Variants in CSMD1 observed in about 807,000 individuals in gnomAD.
CSMD1 encodes the protein CUB and sushi domain-containing protein 1.
In CSMD1, 213 loss-of-function variants were observed where a neutral mutation model predicts 417.5. The ratio of observed to expected loss-of-function variants is 0.51; its 90% confidence interval spans 0.46 to 0.57. The LOEUF (loss-of-function observed/expected upper bound fraction) is 0.57. CSMD1 is among the 20% of genes least tolerant of loss of function. The pLI, the probability that CSMD1 is intolerant of heterozygous loss-of-function variation, is 0.00. For missense variants in CSMD1, 6,923 were observed against 4,529.7 expected, an observed-to-expected ratio of 1.53 and a Z score of -15.17; for synonymous variants, 2,862 against 1,736.8, an observed-to-expected ratio of 1.65 and a Z score of -16.11.
At chr8:4,837,037 G>C (rs1475441586) in intron 1 of CSMD1, among the ~76,000 whole-genome samples, 1 of 149,160 alleles carries the variant, frequency 6.7e-6, no homozygotes, top group East Asian at 1.9e-4. Flanking sequence ...TGTTGTTGTT[G>C]TTAAGAGACC....
At chr8:4,778,589 G>A (rs889950927) in intron 1 of CSMD1, among the ~76,000 whole-genome samples, 38 of 152,208 alleles carry the variant, frequency 2.5e-4, no homozygotes, top group African/African-American at 8.2e-4. Flanking sequence ...AATTCCGTGA[G>A]AGGGAGGTCA....
intron 3 of CSMD1, among the ~76,000 whole-genome samples, chr8:4,334,619 G>GA (rs1362305590): frequency 2.0e-5 from 3 of 152,148 alleles, no homozygotes; most frequent in Non-Finnish European, 2.9e-5. Context: ...TTCCTCTGGA[G>GA]AATGCTGACT....
chr8:4,316,368 G>A (rs986818284), intron 3 of CSMD1, among the ~76,000 whole-genome samples: 6 of 151,864 alleles, frequency 4.0e-5, no homozygotes. Flanking sequence ...TTATACTCTG[G>A]GCTGCCACAG....
chr8:3,491,813 G>C (rs1354920175), intron 11 of CSMD1, among the ~76,000 whole-genome samples: 1 of 152,202 alleles, frequency 6.6e-6, no homozygotes, highest in Non-Finnish European at 1.5e-5. Flanking sequence ...CCTCACAAAT[G>C]AAGAGTGTTA....
chr8:3,825,824 C>T (rs1802025784), intron 5 of CSMD1, among the ~76,000 whole-genome samples: 1 of 152,122 alleles, frequency 6.6e-6, no homozygotes. Context: ...GGCTTTAAAT[C>T]CCATTTAAAT....
intron 10 of CSMD1, among the ~76,000 whole-genome samples, chr8:3,508,752 T>C (rs1796940477): frequency 6.6e-6 from 1 of 152,164 alleles, no homozygotes; most frequent in Non-Finnish European, 1.5e-5. Flanking sequence ...TATCATTCTA[T>C]TTAGACCGAA....
intron 5 of CSMD1, among the ~76,000 whole-genome samples, chr8:3,764,243 C>T (rs1216506322): frequency 1.3e-5 from 2 of 152,190 alleles, no homozygotes; most frequent in Non-Finnish European, 2.9e-5. Context: ...ACGCTTCTCG[C>T]TTCTCTTCCA....
At chr8:3,023,399 G>A (rs370150538) in intron 51 of CSMD1, among the ~76,000 whole-genome samples, 1 of 152,072 alleles carries the variant, frequency 6.6e-6, no homozygotes, top group Admixed American at 6.6e-5. Flanking sequence ...ACAGTAAGTC[G>A]AACAATAAAT....
chr8:4,001,648 T>C (rs931294224), intron 4 of CSMD1, among the ~76,000 whole-genome samples: 8 of 152,132 alleles, frequency 5.3e-5, no homozygotes, highest in Non-Finnish European at 8.8e-5. Context: ...TCTAAGATCT[T>C]AGACACTTAC....
chr8:3,382,477 C>G (rs1455121992), intron 18 of CSMD1, among the ~76,000 whole-genome samples: 12 of 70,562 alleles, frequency 1.7e-4, no homozygotes, highest in African/African-American at 5.5e-4. Context: ...TATATATAAT[C>G]TATATATTTA....
intron 4 of CSMD1, among the ~76,000 whole-genome samples, chr8:4,024,425 T>A (rs1294647008): frequency 6.6e-6 from 1 of 152,190 alleles, no homozygotes; most frequent in African/African-American, 2.4e-5. Context: ...ATTATTAAAC[T>A]CTTCAACCAT....
rs368824036 is a variant in CSMD1 at position 3,188,909 on chromosome 8, A to G, written c.5501T>C (p.Val1834Ala). 1.6e-5 allele frequency: 26 copies of G among 1,593,282 alleles called. No homozygotes were observed. The highest frequency in any genetic ancestry group is 2.1e-5 in the Non-Finnish European group (25 of 1,169,488). ...CACCTGAATTCCCGAGCCCTCCGTA[A>G]CTATGATCTTCCATATACAGTTCAA... is the stretch of plus-strand genomic sequence containing the variant. ...NNLNCIWKII[V>A]TEGSGIQIQV... The change falls in exon 35 of 70, where the codon GTT becomes GCT. Residue 1834 changes from valine to alanine, a missense_variant. Val to Ala is a moderately conservative substitution (Grantham distance 64, BLOSUM62 0). Coordinates refer to ENST00000635120, the MANE Select transcript of CSMD1 (RefSeq NM_033225.6).
intron 3 of CSMD1, among the ~76,000 whole-genome samples, chr8:4,095,107 C>T (rs78259780): frequency 0.052 from 7,852 of 152,180 alleles, 436 homozygotes; most frequent in East Asian, 0.25. Context: ...AACAAAGTGA[C>T]GTGACGGATA....
chr8:3,584,522 G>C (rs73489506), intron 9 of CSMD1, among the ~76,000 whole-genome samples: 67 of 139,264 alleles, frequency 4.8e-4, no homozygotes, highest in Admixed American at 2.3e-3. Context: ...TGTTTCCTAA[G>C]TGATAAGCAC....
In CSMD1 at chr8:3,399,438, C is replaced by G. The variant is rs768715867; in HGVS notation, c.2358G>C (p.Trp786Cys). ...AGTGGCCTGGTTTTGCTTCAATTAT[C>G]CATTCACAATGTAAAGAATCCTTAT... ...GYYKDSLHCE[W>C]IIEAKPGHSI... is the part of the protein sequence containing the mutation. Residue 786 changes from tryptophan to cysteine, a missense_variant, in exon 16 of 70, where the codon TGG becomes TGC. Trp to Cys is a radical substitution (Grantham distance 215). Transcript: ENST00000635120. 6.2e-7 allele frequency: 1 copy of G among 1,609,022 alleles called. No individual in the cohort carries two copies.
chr8:4,975,777 C>G (rs943030891), intron 1 of CSMD1, among the ~76,000 whole-genome samples: 10 of 152,210 alleles, frequency 6.6e-5, no homozygotes, highest in Admixed American at 3.9e-4. Flanking sequence ...ACCACTATGA[C>G]CAGTTGTGGA....
At chr8:3,177,160 G>A (rs927873250) in intron 37 of CSMD1, among the ~76,000 whole-genome samples, 2 of 152,154 alleles carry the variant, frequency 1.3e-5, no homozygotes, top group African/African-American at 4.8e-5. Context: ...AATGGGGAAA[G>A]GCGACCAGAA....
At chr8:4,831,583 G>A (rs961544067) in intron 1 of CSMD1, among the ~76,000 whole-genome samples, 18 of 151,998 alleles carry the variant, frequency 1.2e-4, no homozygotes, top group Admixed American at 6.6e-5. Flanking sequence ...AAAATGTCAT[G>A]CCAAGGTTTG....
At chr8:3,395,720 C>G (rs1005154630) in intron 17 of CSMD1, among the ~76,000 whole-genome samples, 1 of 152,110 alleles carries the variant, frequency 6.6e-6, no homozygotes, top group African/African-American at 2.4e-5. Context: ...ATTCCTTCGC[C>G]TCTTGTTACC....
Sources: gnomAD v4.1 joint callset for allele counts (sites outside exome capture counted in the v4.1 genomes callset) on GRCh38, gnomAD v4.1.1 for gene constraint, MANE v1.5 for transcripts, NCBI Gene and HGNC (gene_info 2026-07-23, HGNC 2026-07-21) for gene names.